Variants in MAP3K5 observed in about 807,000 individuals in gnomAD.
The protein encoded by MAP3K5 is ASK-1.
A neutral mutation model predicts 158.7 loss-of-function variants in MAP3K5; 56 were observed. The ratio of observed to expected loss-of-function variants is 0.35; its 90% CI spans 0.28 to 0.44. The LOEUF is 0.44. MAP3K5 is among the 20% of genes least tolerant of loss of function. The pLI, the probability that MAP3K5 is intolerant of heterozygous loss-of-function variation, is 1.00. For missense variants in MAP3K5, 1,294 were observed against 1,674.8 expected (o/e 0.77, Z 3.97); for synonymous variants, 579 against 601.7 (o/e 0.96, Z 0.55).
At position 136,659,307 on chromosome 6, in the gene MAP3K5, A is replaced by C. The variant is rs1778904136; in HGVS notation, c.1438T>G (p.Phe480Val). 1 of 1,614,020 alleles carries C rather than the reference A, an allele frequency of 6.2e-7. No homozygotes were observed. The highest frequency in any genetic ancestry group is 1.3e-5 in the African/African-American group (1 of 74,900). ...EKLQSYWEVG[F>V]FLGASVLAND... Reference sequence around the variant, plus strand: ...GCTAGGACGCTGGCCCCCAGAAAAAATCCAACTTCCCAGTAGCTCTGGAGT... The same window carrying C: ...GCTAGGACGCTGGCCCCCAGAAAAACTCCAACTTCCCAGTAGCTCTGGAGT... Residue 480 changes from phenylalanine to valine, a missense_variant, in exon 9 of 30, where the codon TTT becomes GTT. By Grantham distance (50) the Phe-to-Val change is conservative (BLOSUM62 -1). Coordinates refer to ENST00000359015, the MANE Select transcript of MAP3K5 (RefSeq NM_005923.4).
rs1317295881 is a variant in MAP3K5, at chr6:136,592,568, G to C, written c.2925C>G (p.Asp975Glu). 6.8e-6 allele frequency: 11 copies of C among 1,613,924 alleles called. No individual in the cohort carries two copies. Among genetic ancestry groups the C allele is most frequent in the Non-Finnish European group, 9.3e-6 (11 of 1,179,954 alleles). Residue 975 changes from aspartate to glutamate, a missense_variant, in exon 22 of 30, where the codon GAC becomes GAG. By Grantham distance (45) the Asp-to-Glu change is conservative. Coordinates refer to ENST00000359015, the MANE Select transcript of MAP3K5 (RefSeq NM_005923.4). ...AGCCGTACTCACTGCTGCTGCTGGTGTCCTCCACCAGCACAGGTACCGGCA... is the reference window on the plus strand; with the variant it reads ...AGCCGTACTCACTGCTGCTGCTGGTCTCCTCCACCAGCACAGGTACCGGCA... ...ISLPVPVLVE[D>E]TSSSSEYGSV...
At chr6:136,639,240 CAT>C (rs1459636945) in intron 13 of MAP3K5, among the ~76,000 whole-genome samples, 1 of 152,116 alleles carries the variant, frequency 6.6e-6, no homozygotes, top group East Asian at 1.9e-4. Flanking sequence ...TTCTGGTAAT[CAT>C]ATACAGTAAG....
intron 23 of MAP3K5, among the ~76,000 whole-genome samples, chr6:136,586,222 T>C (rs1009415226): frequency 2.0e-5 from 3 of 152,224 alleles, no homozygotes; most frequent in South Asian, 4.1e-4. Context: ...GGCAAAATCA[T>C]AACATCATGA....
chr6:136,706,718 G>T (rs574291324), intron 2 of MAP3K5, among the ~76,000 whole-genome samples: 5 of 152,274 alleles, frequency 3.3e-5, no homozygotes, highest in Non-Finnish European at 5.9e-5. Flanking sequence ...ATGGGGCAAA[G>T]AAGAACCAAC....
intron 11 of MAP3K5, chr6:136,647,750 C>T (rs546488061): frequency 1.4e-4 from 21 of 152,230 alleles, no homozygotes; most frequent in African/African-American, 4.6e-4. Flanking sequence ...TTTGTCTTCC[C>T]GTGTTCATTT....
chr6:136,581,548 C>T (rs893658353), intron 24 of MAP3K5, among the ~76,000 whole-genome samples: 1 of 152,188 alleles, frequency 6.6e-6, no homozygotes, highest in Admixed American at 6.5e-5. Context: ...AATTTAATCA[C>T]CATCCCTACT....
intron 1 of MAP3K5, among the ~76,000 whole-genome samples, chr6:136,725,250 GTA>G (rs1781917715): frequency 6.6e-6 from 1 of 152,136 alleles, no homozygotes; most frequent in South Asian, 2.1e-4. Flanking sequence ...ATAGGTAAGG[GTA>G]TGTTTACCTT....
rs534445989 is a variant in MAP3K5 at position 136,712,394 on chromosome 6, G to C, written c.589-7261C>G. Among the ~76,000 whole-genome samples the C allele has an allele frequency of 4.7e-4, 72 of 152,046 alleles. 1 individual carries two copies. In the Middle Eastern group the frequency reaches 0.01, roughly 22 times the overall value. On this transcript the variant is annotated intron_variant, in intron 2 of 29. Coordinates refer to ENST00000359015, the MANE Select transcript of MAP3K5 (RefSeq NM_005923.4). ...TCACTATGCTGACCAGGCTGGTCTT[G>C]AACTCCTGGGCTTAGGTGATCCACC...
intron 21 of MAP3K5, 21 bp downstream of exon 21, chr6:136,601,001 G>A: frequency 6.2e-7 from 1 of 1,613,428 alleles, no homozygotes; most frequent in Non-Finnish European, 8.5e-7. Flanking sequence ...AGCTCAATGG[G>A]CAAAGTAAAA....
At chr6:136,660,116 A>G (rs1377107188) in intron 8 of MAP3K5, among the ~76,000 whole-genome samples, 2 of 152,238 alleles carry the variant, frequency 1.3e-5, no homozygotes, top group Non-Finnish European at 2.9e-5. Flanking sequence ...GGATTCTTAA[A>G]TAACTTAAAA....
At chr6:136,594,761 A>T (rs1775547353) in intron 21 of MAP3K5, among the ~76,000 whole-genome samples, 1 of 152,144 alleles carries the variant, frequency 6.6e-6, no homozygotes, top group Non-Finnish European at 1.5e-5. Context: ...ACTAGACTAG[A>T]AGAGTACAAG....
intron 8 of MAP3K5, among the ~76,000 whole-genome samples, chr6:136,668,584 G>C (rs958346703): frequency 6.6e-6 from 1 of 152,050 alleles, no homozygotes; most frequent in African/African-American, 2.4e-5. Flanking sequence ...CCCATAGACA[G>C]GATTCCAGTA....
At chr6:136,713,955 G>A (rs944947042) in intron 2 of MAP3K5, among the ~76,000 whole-genome samples, 1 of 152,132 alleles carries the variant, frequency 6.6e-6, no homozygotes, top group African/African-American at 2.4e-5. Context: ...TACTGAGTGT[G>A]TACTTTGTAC....
chr6:136,790,018 C>G (rs537853269), intron 1 of MAP3K5, among the ~76,000 whole-genome samples: 1 of 152,256 alleles, frequency 6.6e-6, no homozygotes, highest in East Asian at 1.9e-4. Flanking sequence ...GGGTCAGCCA[C>G]CTGAAGTGGA....
At chr6:136,690,443 C>T (rs561803833) in intron 7 of MAP3K5, among the ~76,000 whole-genome samples, 6 of 152,144 alleles carry the variant, frequency 3.9e-5, no homozygotes, top group African/African-American at 1.4e-4. Context: ...CTTTTAAGTG[C>T]GTATAGAAAT....
At position 136,698,535 on chromosome 6, in the gene MAP3K5, C is replaced by T. The variant is rs1270829827; in HGVS notation, c.760G>A (p.Val254Met). 2.5e-6 allele frequency: 4 copies of T among 1,613,856 alleles called. No homozygotes were observed. Among genetic ancestry groups the T allele is most frequent in the African/African-American group, 1.3e-5 (1 of 74,900 alleles). The change falls in exon 4 of 30, where the codon GTG (valine) becomes ATG (methionine). Residue 254 changes from valine (V) to methionine (M), a missense_variant. Transcript: ENST00000359015. ...TTCAAAAGTTGAATAAAACGATCCACAAGAGGTAAGCAGATGGGTCCAAGA... is the reference window on the plus strand; with the variant it reads ...TTCAAAAGTTGAATAAAACGATCCATAAGAGGTAAGCAGATGGGTCCAAGA... The part of the protein sequence containing the change: ...LLLGPICLPL[V>M]DRFIQLLKVA...
intron 1 of MAP3K5, among the ~76,000 whole-genome samples, chr6:136,763,674 T>C (rs1783846420): frequency 6.6e-6 from 1 of 152,230 alleles, no homozygotes; most frequent in African/African-American, 2.4e-5. Context: ...GGCTATCTGA[T>C]GGATGCAAAA....
intron 1 of MAP3K5, among the ~76,000 whole-genome samples, chr6:136,757,366 T>C (rs1783538051): frequency 1.3e-5 from 2 of 152,194 alleles, no homozygotes; most frequent in African/African-American, 4.8e-5. Context: ...GAGTCAGGGC[T>C]GGGTCTTTGG....
intron 1 of MAP3K5, among the ~76,000 whole-genome samples, chr6:136,761,579 G>A (rs1321966842): frequency 6.6e-6 from 1 of 152,188 alleles, no homozygotes; most frequent in East Asian, 1.9e-4. Flanking sequence ...AAGCACAGAA[G>A]GACAGATGTG....
Sources: gnomAD v4.1 joint callset for allele counts (sites outside exome capture counted in the v4.1 genomes callset) on GRCh38, gnomAD v4.1.1 for gene constraint, MANE v1.5 for transcripts, NCBI Gene and HGNC (gene_info 2026-07-23, HGNC 2026-07-21) for gene names.